Variants in MYCBPAP observed in about 807,000 individuals in gnomAD.
MYCBPAP encodes the protein MYCBP-associated protein.
A neutral mutation model predicts 106.1 loss-of-function variants in MYCBPAP; 60 were observed. That is an observed-to-expected ratio of 0.57 (90% CI 0.46 to 0.70). The LOEUF is 0.70. Ranked by LOEUF, MYCBPAP falls within the 30% of genes least tolerant of loss-of-function variation. The pLI is 0.00. For synonymous variants in MYCBPAP, 407 were observed against 440.6 expected (o/e 0.92, Z 0.95); for missense variants, 1,064 against 1,169.3 (o/e 0.91, Z 1.31).
chr17:50,508,510 G>T lies in MYCBPAP; in HGVS notation c.-165G>T. 1 of 1,529,196 alleles carries T rather than the reference G, an allele frequency of 6.5e-7. No homozygotes were observed. Among genetic ancestry groups the T allele is most frequent in the South Asian group, 1.2e-5 (1 of 82,086 alleles). The allele number at this position is 1,529,196 out of a possible 1,614,324, so 94.7% of individuals were successfully genotyped here. A position where few individuals can be genotyped will look rare whatever the true frequency, so the allele number is the denominator to read the frequency against. On this transcript the variant is annotated 5_prime_UTR_variant, in exon 1 of 19. It adds an upstream start codon to the 5' untranslated region. Transcript: ENST00000323776. ...GCGTGCGCGGCCCGATGAAGAAGGAGGTTTCCAAGCCGTCTCCGCCCAAGT... is the reference window on the plus strand; with the variant it reads ...GCGTGCGCGGCCCGATGAAGAAGGATGTTTCCAAGCCGTCTCCGCCCAAGT...
chr17:50,522,214 A>C, intron 10 of MYCBPAP, 133 bp downstream of exon 10: 2 of 625,718 alleles, frequency 3.2e-6, no homozygotes, highest in Non-Finnish European at 5.6e-6. Context: ...AGCACGTCTG[A>C]AAATGGTGAC....
intron 1 of MYCBPAP, among the ~76,000 whole-genome samples, chr17:50,515,328 A>G (rs1037906740): frequency 2.0e-5 from 3 of 152,124 alleles, no homozygotes; most frequent in African/African-American, 7.2e-5. Context: ...TGCTCTTTAA[A>G]GACAAGCTCT....
intron 1 of MYCBPAP, among the ~76,000 whole-genome samples, chr17:50,514,641 A>G (rs1279652450): frequency 6.8e-6 from 1 of 147,596 alleles, no homozygotes; most frequent in African/African-American, 2.5e-5. Context: ...ACATTCATAC[A>G]CTCATCCTCA....
chr17:50,524,791 C>T, intron 12 of MYCBPAP, 86 bp from the exon 13 acceptor site: 1 of 1,450,784 alleles, frequency 6.9e-7, no homozygotes, highest in Non-Finnish European at 9.4e-7. Flanking sequence ...TAGGAAGGCA[C>T]AAAGTCCTGG....
chr17:50,513,240 A>AG (rs1435518848), intron 1 of MYCBPAP, among the ~76,000 whole-genome samples: 5 of 148,798 alleles, frequency 3.4e-5, no homozygotes, highest in African/African-American at 9.9e-5. Flanking sequence ...AAAAAAAAAA[A>AG]GCTGGGCATG....
chr17:50,528,658 G>A, intron 16 of MYCBPAP, 37 bp from the exon 17 acceptor site: 1 of 1,605,440 alleles, frequency 6.2e-7, no homozygotes, highest in Non-Finnish European at 8.5e-7. Flanking sequence ...TAGGCTGTTG[G>A]GGGCCTGCCA....
intron 15 of MYCBPAP, 134 bp downstream of exon 15, chr17:50,527,542 A>G (rs975412440): frequency 1.3e-5 from 15 of 1,192,048 alleles, no homozygotes; most frequent in African/African-American, 6.1e-5. Flanking sequence ...TGCCGCAAAC[A>G]TTCCACGTTC....
intron 12 of MYCBPAP, among the ~76,000 whole-genome samples, chr17:50,524,435 A>G (rs1469529489): frequency 6.6e-6 from 1 of 152,046 alleles, no homozygotes; most frequent in African/African-American, 2.4e-5. Flanking sequence ...TGCTTTACTC[A>G]TTGACTGTAC....
Position 50,522,866 on chromosome 17 carries a change from G to A in MYCBPAP, c.1258-73G>A, listed in dbSNP as rs529685687. ...CAGTGCTAAAGCCAGAAAAGTCCTGGGCAGACCAGATGAGTTGTTCACTCT... is the reference window on the plus strand; with the variant it reads ...CAGTGCTAAAGCCAGAAAAGTCCTGAGCAGACCAGATGAGTTGTTCACTCT... On this transcript the variant is annotated intron_variant, in intron 10 of 18. Coordinates refer to ENST00000323776, the MANE Select transcript of MYCBPAP (RefSeq NM_032133.6). 13 of 1,489,382 alleles carry A rather than the reference G, an allele frequency of 8.7e-6. No homozygotes were observed. The South Asian group carries it at 1.5e-4, about 17-fold the overall frequency. The allele number at this position is 1,489,382 out of a possible 1,614,324, so 92.3% of individuals were successfully genotyped here.
intron 13 of MYCBPAP, among the ~76,000 whole-genome samples, chr17:50,525,444 C>T (rs2034425807): frequency 6.6e-6 from 1 of 152,140 alleles, no homozygotes; most frequent in African/African-American, 2.4e-5. Flanking sequence ...GAGTAACTCA[C>T]CTCTCTTCAC....
Position 50,508,497 on chromosome 17 carries a change from C to A in MYCBPAP, c.-178C>A, listed in dbSNP as rs754067841. 2.0e-6 allele frequency: 3 copies of A among 1,506,818 alleles called. No homozygotes were observed. Among genetic ancestry groups the A allele is most frequent in the South Asian group, 1.2e-5 (1 of 80,406 alleles). 93.3% of individuals were successfully genotyped at this position (1,506,818 alleles called of 1,614,324 possible). A position where few individuals can be genotyped will look rare whatever the true frequency, so the allele number is the denominator to read the frequency against. Reference sequence around the variant, plus strand: ...GCCGGCGGCGGGCGCGTGCGCGGCCCGATGAAGAAGGAGGTTTCCAAGCCG... The same window carrying A: ...GCCGGCGGCGGGCGCGTGCGCGGCCAGATGAAGAAGGAGGTTTCCAAGCCG... On this transcript the variant is annotated 5_prime_UTR_variant, in exon 1 of 19. Coordinates refer to ENST00000323776, the MANE Select transcript of MYCBPAP (RefSeq NM_032133.6).
At position 50,517,773 on chromosome 17, in the gene MYCBPAP, C is replaced by T. The variant is rs576768451; in HGVS notation, c.468+75C>T. The stretch of plus-strand genomic sequence containing the variant: ...TGGTCTCCCACCTGACACAGTCAAG[C>T]AGGGCTGGGGTTAAAGAGACAGTCT... On this transcript the variant is annotated intron_variant, in intron 4 of 18. Transcript: ENST00000323776. The T allele has an allele frequency of 5.6e-6, 7 of 1,250,866 alleles. No homozygotes were observed. In the Admixed American group the frequency reaches 1.2e-4, roughly 21 times the overall value. The allele number at this position is 1,250,866 out of a possible 1,614,324, so 77.5% of individuals were successfully genotyped here.
At position 50,510,497 on chromosome 17, in the gene MYCBPAP, G is replaced by GTATA. The variant is rs1270955072; in HGVS notation, c.76+1748_76+1749insATAT. 885 of 89,210 alleles carry GTATA rather than the reference G, an allele frequency of 9.9e-3. 11 individuals are homozygous for GTATA. Among genetic ancestry groups the GTATA allele is most frequent in the Middle Eastern group, 0.017 (3 of 180 alleles). The allele number at this position is 89,210 out of a possible 1,614,324, so 5.5% of individuals were successfully genotyped here. On this transcript the variant is annotated intron_variant, in intron 1 of 18. Transcript: ENST00000323776. Reference sequence around the variant, plus strand: ...TATGTGTGTGTGTGTGTGTGTGTGTGTGTATATATATATATATATATATAT... The same window carrying GTATA: ...TATGTGTGTGTGTGTGTGTGTGTGTGTATATGTATATATATATATATATATATAT...
At position 50,529,025 on chromosome 17, in the gene MYCBPAP, C is replaced by G. The variant is rs1213157735; in HGVS notation, c.2561C>G (p.Pro854Arg). 1.2e-6 allele frequency: 2 copies of G among 1,613,710 alleles called. No individual in the cohort carries two copies. The highest frequency in any genetic ancestry group is 1.7e-6 in the Non-Finnish European group (2 of 1,179,868). Residue 854 changes from proline to arginine, a missense_variant, in exon 18 of 19, where the codon CCC (proline) becomes CGC (arginine). Pro to Arg is a moderately radical substitution (Grantham distance 103). Transcript: ENST00000323776. The part of the protein sequence containing the change: ...GAKLLGKEDR[P>R]NSKKHKAKDD... ...GTCTCCCTCCCCCAGCAGGACCGTC[C>G]CAACAGCAAGAAGCACAAGGCAAAG...
At chr17:50,525,659 C>CTCCTTTTTTTTTT (rs57947501) in intron 13 of MYCBPAP, among the ~76,000 whole-genome samples, 1 of 131,364 alleles carries the variant, frequency 7.6e-6, no homozygotes, top group African/African-American at 2.9e-5. Flanking sequence ...GCTAATTTCT[C>CTCCTTTTTTTTTT]TTTTTTTTTT....
At chr17:50,524,849 C>T (rs1214069894) in intron 12 of MYCBPAP, 28 bp from the exon 13 acceptor site, 9 of 1,606,788 alleles carry the variant, frequency 5.6e-6, no homozygotes, top group Non-Finnish European at 5.1e-6. Context: ...GCCTGGGCTG[C>T]CATCCTCTGC....
chr17:50,516,228 G>T (rs2034045838), intron 1 of MYCBPAP: 2 of 173,632 alleles, frequency 1.2e-5, no homozygotes, highest in African/African-American at 2.4e-5. Flanking sequence ...GGCCTCAAGT[G>T]ATCCTCCTGT....
intron 12 of MYCBPAP, 98 bp from the exon 13 acceptor site, chr17:50,524,779 C>A (rs1315935408): frequency 3.2e-5 from 37 of 1,139,896 alleles, no homozygotes; most frequent in Middle Eastern, 2.2e-4. Flanking sequence ...GAACTCAGAC[C>A]CTAGGAAGGC....
intron 15 of MYCBPAP, 138 bp from the exon 16 acceptor site, chr17:50,528,017 G>A: frequency 1.4e-6 from 1 of 719,382 alleles, no homozygotes; most frequent in Non-Finnish European, 2.4e-6. Flanking sequence ...GAACAGTGAG[G>A]ATGCTGGCTG....
Sources: gnomAD v4.1 joint callset for allele counts (sites outside exome capture counted in the v4.1 genomes callset) on GRCh38, gnomAD v4.1.1 for gene constraint, MANE v1.5 for transcripts, NCBI Gene and HGNC (gene_info 2026-07-23, HGNC 2026-07-21) for gene names.